The following KCNK10 variants were observed in gnomAD, a reference collection of about 807,000 sequenced individuals.
The protein encoded by KCNK10 is potassium channel subfamily K member 10.
KCNK10 carries 25 observed loss-of-function variants against 47.7 expected under a neutral mutation model. That is an observed-to-expected ratio of 0.52 (90% confidence interval 0.38 to 0.73). The LOEUF is 0.73. Ranked by LOEUF, KCNK10 falls within the 30% of genes least tolerant of loss-of-function variation. The pLI is 0.00. For missense variants in KCNK10, 563 were observed against 714.5 expected (o/e 0.79, Z 2.42); for synonymous variants, 303 against 285.6 (o/e 1.06, Z -0.61).
chr14:88,254,047 C>T (rs1430694343), intron 2 of KCNK10, among the ~76,000 whole-genome samples: 2 of 152,136 alleles, frequency 1.3e-5, no homozygotes, highest in East Asian at 3.9e-4. Flanking sequence ...CCCCAAAAGG[C>T]TCATGCTCCA....
At chr14:88,214,984 G>A (rs1324656129) in intron 4 of KCNK10, among the ~76,000 whole-genome samples, 2 of 152,190 alleles carry the variant, frequency 1.3e-5, no homozygotes, top group Non-Finnish European at 2.9e-5. Flanking sequence ...GGGGCAGGGA[G>A]ACCAAGTTTG....
chr14:88,281,806 G>GATAT (rs1156505805), intron 1 of KCNK10, among the ~76,000 whole-genome samples: 3 of 128,286 alleles, frequency 2.3e-5, no homozygotes, highest in African/African-American at 9.1e-5. Flanking sequence ...CTCTCATATA[G>GATAT]ATATATATAT....
At chr14:88,211,355 A>T (rs1483693221) in intron 4 of KCNK10, among the ~76,000 whole-genome samples, 1 of 152,198 alleles carries the variant, frequency 6.6e-6, no homozygotes, top group Non-Finnish European at 1.5e-5. Flanking sequence ...GCTGGGGGAG[A>T]GGAAATGAGC....
rs1888585196 is a variant in KCNK10, at chr14:88,323,144, G to A, written c.-346C>T. 2 of 1,146,478 alleles carry A rather than the reference G, an allele frequency of 1.7e-6. No individual in the cohort carries two copies. The highest frequency in any genetic ancestry group is 4.3e-5 in the Admixed American group (1 of 23,098). 71.0% of individuals were successfully genotyped at this position (1,146,478 alleles called of 1,614,324 possible). ...CCCAAAAGCGGTGCCGGCAGGTTAG[G>A]GGCTGCGCAGCCTGAAGGCTGGGGC... On this transcript the variant is annotated 5_prime_UTR_variant, in exon 1 of 7. Coordinates refer to ENST00000319231, the MANE Select transcript of KCNK10 (RefSeq NM_138317.3).
At chr14:88,219,049 C>A (rs1324245656) in intron 4 of KCNK10, among the ~76,000 whole-genome samples, 2 of 152,174 alleles carry the variant, frequency 1.3e-5, no homozygotes, top group Non-Finnish European at 2.9e-5. Context: ...TAATCCAGGT[C>A]CTACCACCAA....
At chr14:88,319,130 A>T (rs573553735) in intron 1 of KCNK10, among the ~76,000 whole-genome samples, 1 of 152,286 alleles carries the variant, frequency 6.6e-6, no homozygotes. Flanking sequence ...CTGTTCCATG[A>T]ATATGAAGGA....
intron 3 of KCNK10, among the ~76,000 whole-genome samples, chr14:88,228,349 T>C (rs1177626477): frequency 1.3e-5 from 2 of 152,158 alleles, no homozygotes; most frequent in Admixed American, 6.5e-5. Flanking sequence ...TGCCATTACA[T>C]AAGTAACTTA....
chr14:88,299,811 G>C (rs1888058835), intron 1 of KCNK10, among the ~76,000 whole-genome samples: 1 of 152,160 alleles, frequency 6.6e-6, no homozygotes, highest in Non-Finnish European at 1.5e-5. Flanking sequence ...CTAAATTTAA[G>C]TTTTTAAAAG....
rs146995941 is a variant in KCNK10 at position 88,232,838 on chromosome 14, C to A, written c.521-5303G>T. Among the ~76,000 whole-genome samples, 372 of 152,324 alleles carry A rather than the reference C, an allele frequency of 2.4e-3. 2 individuals are homozygous for A. Among genetic ancestry groups the A allele is most frequent in the Non-Finnish European group, 4.4e-3 (301 of 68,030 alleles). On this transcript the variant is annotated intron_variant, in intron 3 of 6. Coordinates refer to ENST00000319231, the MANE Select transcript of KCNK10 (RefSeq NM_138317.3). Reference sequence around the variant, plus strand: ...TCCTTCTGATTTTTGGGAAAGCCCCCCTTCCTGTGCATAATTGGTATGACA... The same window carrying A: ...TCCTTCTGATTTTTGGGAAAGCCCCACTTCCTGTGCATAATTGGTATGACA...
chr14:88,275,997 G>A (rs1035991654), intron 1 of KCNK10, among the ~76,000 whole-genome samples: 7 of 152,274 alleles, frequency 4.6e-5, no homozygotes, highest in South Asian at 2.1e-4. Context: ...AGAACAAAAC[G>A]GATCTGGGTG....
chr14:88,203,792 A>G (rs1373819949), intron 4 of KCNK10, among the ~76,000 whole-genome samples: 1 of 152,148 alleles, frequency 6.6e-6, no homozygotes, highest in African/African-American at 2.4e-5. Flanking sequence ...CAGTGGTTAG[A>G]GCAGAGGTCA....
chr14:88,307,701 T>C (rs568338921), intron 1 of KCNK10, among the ~76,000 whole-genome samples: 9 of 152,312 alleles, frequency 5.9e-5, no homozygotes, highest in African/African-American at 1.9e-4. Context: ...AGCATCTAAG[T>C]CGGTGAGCTA....
intron 3 of KCNK10, among the ~76,000 whole-genome samples, chr14:88,238,223 T>C (rs1886350763): frequency 6.6e-6 from 1 of 152,252 alleles, no homozygotes; most frequent in Non-Finnish European, 1.5e-5. Flanking sequence ...AGAGCCCGCT[T>C]GCTCTGAATT....
chr14:88,213,575 C>T (rs1242036576), intron 4 of KCNK10, among the ~76,000 whole-genome samples: 1 of 152,104 alleles, frequency 6.6e-6, no homozygotes, highest in Non-Finnish European at 1.5e-5. Flanking sequence ...CTTTCACTAG[C>T]CCCAAAATGC....
At chr14:88,261,633 AGTCC>A (rs1476834791) in intron 2 of KCNK10, among the ~76,000 whole-genome samples, 62 of 152,308 alleles carry the variant, frequency 4.1e-4, no homozygotes, top group Non-Finnish European at 7.8e-4. Context: ...ACATGCCTGT[AGTCC>A]CAGCTACTCA....
chr14:88,220,071 A>G (rs1885747973), intron 4 of KCNK10, among the ~76,000 whole-genome samples: 1 of 152,148 alleles, frequency 6.6e-6, no homozygotes, highest in South Asian at 2.1e-4. Context: ...TCAACACAAT[A>G]TTGAAAAAGA....
chr14:88,231,446 G>A (rs1402878461), intron 3 of KCNK10, among the ~76,000 whole-genome samples: 1 of 152,128 alleles, frequency 6.6e-6, no homozygotes, highest in Non-Finnish European at 1.5e-5. Context: ...TCTCTGATGT[G>A]GGCAGAGTCA....
upstream of KCNK10, among the ~76,000 whole-genome samples, chr14:88,325,874 A>T (rs923297254): frequency 1.3e-5 from 2 of 152,074 alleles, no homozygotes; most frequent in African/African-American, 4.8e-5. Context: ...GGTCCCCATT[A>T]AAAGTTATTT....
chr14:88,306,945 C>T (rs1377597331), intron 1 of KCNK10, among the ~76,000 whole-genome samples: 1 of 152,154 alleles, frequency 6.6e-6, no homozygotes, highest in Non-Finnish European at 1.5e-5. Context: ...GAAACCATAT[C>T]CCCCTCAAGG....
Sources: allele counts gnomAD v4.1 joint callset (sites outside exome capture counted in the v4.1 genomes callset), GRCh38; gene constraint gnomAD v4.1.1; transcripts MANE v1.5; gene names NCBI Gene and HGNC (gene_info 2026-07-23, HGNC 2026-07-21).